Variants in EIF4G3 observed in about 807,000 individuals in gnomAD.
The protein encoded by EIF4G3 is eIF-4-gamma 3.
A neutral mutation model predicts 186.4 loss-of-function variants in EIF4G3; 34 were observed. That is an observed-to-expected ratio of 0.18 (90% CI 0.14 to 0.24). The LOEUF (loss-of-function observed/expected upper bound fraction) is 0.24, where lower values mean the gene tolerates loss of function less well. Ranked by LOEUF, EIF4G3 falls within the 10% of genes least tolerant of loss-of-function variation. The pLI is 1.00. For synonymous variants in EIF4G3, 673 were observed against 679.5 expected, an observed-to-expected ratio of 0.99 and a Z score of 0.15; for missense variants, 1,536 against 1,948.5, an observed-to-expected ratio of 0.79 and a Z score of 3.99.
At chr1:21,041,790 G>C (rs1368100745) in intron 4 of EIF4G3, among the ~76,000 whole-genome samples, 4 of 152,138 alleles carry the variant, frequency 2.6e-5, no homozygotes, top group Non-Finnish European at 5.9e-5. Flanking sequence ...ACAGAATTTA[G>C]ATAGCTTGAG....
At chr1:20,865,706 T>A (rs1432964347) in intron 20 of EIF4G3, among the ~76,000 whole-genome samples, 1 of 152,130 alleles carries the variant, frequency 6.6e-6, no homozygotes, top group Non-Finnish European at 1.5e-5. Flanking sequence ...GTAGGTGAGA[T>A]CCTTATTGTA....
intron 2 of EIF4G3, among the ~76,000 whole-genome samples, chr1:21,157,902 A>G (rs1373441087): frequency 1.3e-5 from 2 of 152,160 alleles, no homozygotes; most frequent in Non-Finnish European, 2.9e-5. Flanking sequence ...ATAGCAGTTA[A>G]GCTACCTCAT....
chr1:20,915,611 C>CA (rs966063351), intron 14 of EIF4G3, among the ~76,000 whole-genome samples: 20 of 151,412 alleles, frequency 1.3e-4, no homozygotes, highest in East Asian at 7.7e-4. Flanking sequence ...AGTTAATAAA[C>CA]AAAAAAAACC....
chr1:20,907,565 CG>C (rs1558178362), intron 14 of EIF4G3, among the ~76,000 whole-genome samples: 1 of 149,176 alleles, frequency 6.7e-6, no homozygotes, highest in Non-Finnish European at 1.5e-5. Flanking sequence ...CAACAGTCCC[CG>C]GTGTGTGATG....
In EIF4G3 at chr1:20,924,512, T is replaced by C. The variant is rs72652970; in HGVS notation, c.1663+16979A>G. Among the ~76,000 whole-genome samples, 949 of 152,336 alleles carry C rather than the reference T, an allele frequency of 6.2e-3. 5 individuals are homozygous for C. The highest frequency in any genetic ancestry group is 9.3e-3 in the Non-Finnish European group (634 of 68,012). On this transcript the variant is annotated intron_variant, in intron 14 of 36. Coordinates refer to ENST00000602326, the MANE Select transcript of EIF4G3 (RefSeq NM_001391906.1). ...CAGACTGGTAGGTACCTTTCGAAAT[T>C]TGACAATCTATGTTTCACATATATC...
intron 33 of EIF4G3, among the ~76,000 whole-genome samples, chr1:20,821,871 C>CGTT (rs2062457460): frequency 6.6e-6 from 1 of 150,766 alleles, no homozygotes; most frequent in Non-Finnish European, 1.5e-5. Context: ...ATAAACCCTA[C>CGTT]ATTATTATTA....
At chr1:20,941,230 C>T in intron 14 of EIF4G3, 1 of 1,528,270 alleles carries the variant, frequency 6.5e-7, no homozygotes, top group Non-Finnish European at 8.8e-7. Flanking sequence ...ACAACAACAA[C>T]AAAACCCAAC....
intron 12 of EIF4G3, among the ~76,000 whole-genome samples, chr1:20,950,859 C>G (rs1047991278): frequency 3.3e-5 from 5 of 152,060 alleles, no homozygotes; most frequent in African/African-American, 1.2e-4. Flanking sequence ...TTAGAGGGAA[C>G]AGAATTACAC....
intron 29 of EIF4G3, chr1:20,848,055 T>TCC (rs1285419662): frequency 3.1e-6 from 1 of 325,332 alleles, no homozygotes; most frequent in Non-Finnish European, 5.9e-6. Context: ...AACCTCTGCC[T>TCC]CCCGGGCTTC....
intron 25 of EIF4G3, among the ~76,000 whole-genome samples, chr1:20,856,453 A>G (rs1266033745): frequency 1.3e-5 from 2 of 152,226 alleles, no homozygotes; most frequent in East Asian, 3.8e-4. Context: ...ACTGGACTTT[A>G]GAAGTTTCCA....
chr1:21,140,499 A>G (rs2097319161), intron 2 of EIF4G3, among the ~76,000 whole-genome samples: 1 of 152,122 alleles, frequency 6.6e-6, no homozygotes, highest in Non-Finnish European at 1.5e-5. Context: ...TTTTTATTAG[A>G]GATGGGGTTT....
chr1:20,810,335 T>C lies in EIF4G3; in HGVS notation c.4744+403A>G, dbSNP rs2058991694. ...ACACCCAGCTAATTTTTTGTATTTT[T>C]AGTAGAGACAGGGTTTCACTGTGTT... On this transcript the variant is annotated intron_variant, in intron 36 of 36. Transcript: ENST00000602326. The surrounding 1 kb of genome is among the most constrained non-coding windows in gnomAD (Gnocchi z 4.1). Among the ~76,000 whole-genome samples the C allele has an allele frequency of 6.6e-6, 1 of 152,088 alleles. No individual in the cohort carries two copies. Among genetic ancestry groups the C allele is most frequent in the Non-Finnish European group, 1.5e-5 (1 of 68,002 alleles).
At chr1:20,809,739 A>G (rs1443408176) in intron 36 of EIF4G3, among the ~76,000 whole-genome samples, 4 of 152,176 alleles carry the variant, frequency 2.6e-5, no homozygotes, top group Non-Finnish European at 5.9e-5. Context: ...TATGGAAGCT[A>G]TTAGTCAAAC....
chr1:20,997,512 T>C, intron 7 of EIF4G3, 89 bp downstream of exon 7: 1 of 1,258,658 alleles, frequency 7.9e-7, no homozygotes, highest in South Asian at 1.3e-5. Context: ...TGAGTAGTTC[T>C]ATGGGATGGC....
At chr1:20,861,396 C>A (rs1165343024) in intron 23 of EIF4G3, among the ~76,000 whole-genome samples, 1 of 151,318 alleles carries the variant, frequency 6.6e-6, no homozygotes, top group Non-Finnish European at 1.5e-5. Flanking sequence ...AACAAAAAAA[C>A]AAAAAAACAA....
chr1:21,152,920 G>A (rs971137922), intron 2 of EIF4G3, among the ~76,000 whole-genome samples: 2 of 152,170 alleles, frequency 1.3e-5, no homozygotes, highest in Non-Finnish European at 2.9e-5. Flanking sequence ...CCAGGAGTTC[G>A]AGGCTACAGT....
chr1:20,846,348 T>C (rs1246780268), intron 29 of EIF4G3, among the ~76,000 whole-genome samples: 1 of 152,310 alleles, frequency 6.6e-6, no homozygotes, highest in East Asian at 1.9e-4. Context: ...GACATTCTTG[T>C]CTTGCACTGG....
intron 16 of EIF4G3, 37 bp downstream of exon 16, chr1:20,899,660 G>T: frequency 6.2e-7 from 1 of 1,610,210 alleles, no homozygotes. Flanking sequence ...GCAGTAGAGG[G>T]ATAAAGAGGT....
In EIF4G3 at chr1:20,895,391, T is replaced by C. The variant is rs777480360; in HGVS notation, c.2110A>G (p.Ile704Val). 7 of 1,613,846 alleles carry C rather than the reference T, an allele frequency of 4.3e-6. No individual in the cohort carries two copies. The highest frequency in any genetic ancestry group is 5.9e-6 in the Non-Finnish European group (7 of 1,179,886). Residue 704 changes from isoleucine (I) to valine (V), a missense_variant, in exon 17 of 37, where the codon ATC (isoleucine) becomes GTC (valine). By Grantham distance (29) the Ile-to-Val change is conservative. Transcript: ENST00000602326. ...CIQKPEGLPP[I>V]SDVVLDKINQ... ...ACCTTGTCAAGAACCACATCACTGA[T>C]AGGAGGCAGGCCCTCTGGTTTTTGT...
Sources: allele counts gnomAD v4.1 joint callset (sites outside exome capture counted in the v4.1 genomes callset), GRCh38; gene constraint gnomAD v4.1.1; non-coding constraint Gnocchi (gnomAD v3.1); transcripts MANE v1.5; gene names NCBI Gene and HGNC (gene_info 2026-07-23, HGNC 2026-07-21).